C5orf24: variants seen among roughly 807,000 people sequenced by gnomAD.
The protein encoded by C5orf24 is chromosome 5 open reading frame 24.
In C5orf24, 4 loss-of-function variants were observed where a neutral mutation model predicts 9.8. The observed-to-expected ratio is 0.41, with a 90% CI of 0.20 to 0.93. The LOEUF (loss-of-function observed/expected upper bound fraction) is 0.93. Ranked by LOEUF, C5orf24 falls within the 40% of genes least tolerant of loss-of-function variation. The probability of loss-of-function intolerance (pLI) is 0.33; values close to 1 mark genes in which losing one functional copy is unlikely to be tolerated. For synonymous variants in C5orf24, 73 were observed against 81.3 expected (o/e 0.90, Z 0.55); for missense variants, 170 against 236.9 (o/e 0.72, Z 1.85).
upstream of C5orf24, among the ~76,000 whole-genome samples, chr5:134,843,244 T>C (rs1223181287): frequency 6.6e-6 from 1 of 152,184 alleles, no homozygotes; most frequent in Non-Finnish European, 1.5e-5. Flanking sequence ...CCCAAAGTCC[T>C]GGGATTGCAG....
chr5:134,849,767 G>A (rs1215344781), intron 1 of C5orf24, among the ~76,000 whole-genome samples: 3 of 143,104 alleles, frequency 2.1e-5, no homozygotes, highest in Non-Finnish European at 4.5e-5. Context: ...AAGCAATTCT[G>A]CTGCCTCAGC....
Position 134,855,669 on chromosome 5 carries a change from A to G in C5orf24, c.*202A>G, listed in dbSNP as rs982428493. On this transcript the variant is annotated 3_prime_UTR_variant, in exon 2 of 2. Coordinates refer to ENST00000394976, the MANE Select transcript of C5orf24 (RefSeq NM_001135586.1). ...GCATGAGCAGCGGCATTGTATTTGT[A>G]CATAGGTTCAAGTGTAACACCTAAC... 7 of 1,446,038 alleles carry G rather than the reference A, an allele frequency of 4.8e-6. No homozygotes were observed. The highest frequency in any genetic ancestry group is 3.0e-5 in the Admixed American group (1 of 33,600). 89.6% of individuals were successfully genotyped at this position (1,446,038 alleles called of 1,614,324 possible). A position where few individuals can be genotyped will look rare whatever the true frequency, so the allele number is the denominator to read the frequency against.
intron 1 of C5orf24, among the ~76,000 whole-genome samples, chr5:134,851,946 G>A (rs149749026): frequency 6.6e-6 from 1 of 152,110 alleles, no homozygotes; most frequent in Non-Finnish European, 1.5e-5. Context: ...TAATAATCTA[G>A]TCCTTTTTGT....
At position 134,856,173 on chromosome 5, in the gene C5orf24, C is replaced by G; in HGVS notation, c.*706C>G. On this transcript the variant is annotated 3_prime_UTR_variant, in exon 2 of 2. Coordinates refer to ENST00000394976, the MANE Select transcript of C5orf24 (RefSeq NM_001135586.1). ...TATATACCAAACACTACAAACAATT[C>G]ATATTTACAGAAAATTTAAACTATT... 2 of 996,588 alleles carry G rather than the reference C, an allele frequency of 2.0e-6. No homozygotes were observed. Among genetic ancestry groups the G allele is most frequent in the Non-Finnish European group, 2.4e-6 (2 of 826,738 alleles). The allele number at this position is 996,588 out of a possible 1,614,324, so 61.7% of individuals were successfully genotyped here. A position where few individuals can be genotyped will look rare whatever the true frequency, so the allele number is the denominator to read the frequency against.
intron 1 of C5orf24, among the ~76,000 whole-genome samples, chr5:134,852,761 G>A (rs1342554596): frequency 6.6e-6 from 1 of 152,164 alleles, no homozygotes; most frequent in East Asian, 1.9e-4. Context: ...TTCCAGCCAG[G>A]CACGGTGGCT....
chr5:134,848,482 C>G (rs927421229), intron 1 of C5orf24, among the ~76,000 whole-genome samples: 6 of 148,574 alleles, frequency 4.0e-5, no homozygotes, highest in Non-Finnish European at 8.9e-5. Context: ...CATGGTGAAA[C>G]CTCGTTTCTA....
chr5:134,849,338 A>T (rs1456052196), intron 1 of C5orf24, among the ~76,000 whole-genome samples: 1 of 152,226 alleles, frequency 6.6e-6, no homozygotes, highest in East Asian at 1.9e-4. Flanking sequence ...TTAAGCTCAC[A>T]TGCAAATACT....
chr5:134,854,693 T>A (rs1756261187), intron 1 of C5orf24, among the ~76,000 whole-genome samples: 1 of 152,206 alleles, frequency 6.6e-6, no homozygotes, highest in African/African-American at 2.4e-5. Context: ...TGTATGATGT[T>A]TGTCCCATGA....
chr5:134,853,790 T>G (rs1756233926), intron 1 of C5orf24, among the ~76,000 whole-genome samples: 2 of 152,024 alleles, frequency 1.3e-5, no homozygotes, highest in South Asian at 4.1e-4. Context: ...ACCTTACAAA[T>G]AGGAGGTATT....
At chr5:134,845,488 C>T (rs1183837650), upstream of C5orf24, among the ~76,000 whole-genome samples, 1 of 152,250 alleles carries the variant, frequency 6.6e-6, no homozygotes, top group East Asian at 1.9e-4. Context: ...AACATAATAG[C>T]GGTAGTTTGT....
chr5:134,855,678 C>G lies in C5orf24; in HGVS notation c.*211C>G, dbSNP rs1036393375. On this transcript the variant is annotated 3_prime_UTR_variant, in exon 2 of 2. Coordinates refer to ENST00000394976, the MANE Select transcript of C5orf24 (RefSeq NM_001135586.1). ...GCGGCATTGTATTTGTACATAGGTT[C>G]AAGTGTAACACCTAACTAAATCATT... 1.6e-5 allele frequency: 23 copies of G among 1,435,048 alleles called. No individual in the cohort carries two copies. Among genetic ancestry groups the G allele is most frequent in the Non-Finnish European group, 2.1e-5 (23 of 1,096,562 alleles). 88.9% of individuals were successfully genotyped at this position (1,435,048 alleles called of 1,614,324 possible). A position where few individuals can be genotyped will look rare whatever the true frequency, so the allele number is the denominator to read the frequency against.
upstream of C5orf24, among the ~76,000 whole-genome samples, chr5:134,845,418 T>C (rs1755964597): frequency 6.6e-6 from 1 of 152,196 alleles, no homozygotes; most frequent in Non-Finnish European, 1.5e-5. Flanking sequence ...AGTGAGGAAA[T>C]GAATCCCTTC....
At chr5:134,837,358 T>C in the C5orf24 span, among the ~76,000 whole-genome samples, 1 of 152,320 alleles carries the variant, frequency 6.6e-6, no homozygotes, top group East Asian at 1.9e-4. Flanking sequence ...ATAATACATT[T>C]AAAGCATAAA....
At chr5:134,834,081 A>G in the C5orf24 span, among the ~76,000 whole-genome samples, 6 of 152,230 alleles carry the variant, frequency 3.9e-5, no homozygotes, top group Non-Finnish European at 4.4e-5. Context: ...ACTTTAAAAG[A>G]CAGAATTTCA....
At position 134,857,435 on chromosome 5, in the gene C5orf24, A is replaced by G. The variant is rs1427526911; in HGVS notation, c.*1968A>G. ...GGACTTTATGCTGCTCTTTACAGTA[A>G]GAGGTGTTGCATTGTATGTGGGGAC... On this transcript the variant is annotated 3_prime_UTR_variant, in exon 2 of 2. Coordinates refer to ENST00000394976, the MANE Select transcript of C5orf24 (RefSeq NM_001135586.1). 2 of 1,542,000 alleles carry G rather than the reference A, an allele frequency of 1.3e-6. No homozygotes were observed. Among genetic ancestry groups the G allele is most frequent in the Non-Finnish European group, 1.8e-6 (2 of 1,141,656 alleles).
At chr5:134,841,702 A>G (rs1274497809), upstream of C5orf24, among the ~76,000 whole-genome samples, 1 of 152,198 alleles carries the variant, frequency 6.6e-6, no homozygotes, top group East Asian at 1.9e-4. Context: ...TGGCAACTCT[A>G]ACATCACAGT....
At chr5:134,852,678 C>T (rs931664264) in intron 1 of C5orf24, among the ~76,000 whole-genome samples, 1 of 152,146 alleles carries the variant, frequency 6.6e-6, no homozygotes, top group South Asian at 2.1e-4. Flanking sequence ...TTTATAAATC[C>T]GAATTGGAAC....
At position 134,846,085 on chromosome 5, in the gene C5orf24, C is replaced by G. The variant is rs184599692; in HGVS notation, c.-131C>G. 6.6e-6 allele frequency: 1 copy of G among 152,430 alleles called. No homozygotes were observed. Among genetic ancestry groups the G allele is most frequent in the Admixed American group, 6.5e-5 (1 of 15,306 alleles). The allele number at this position is 152,430 out of a possible 1,614,324, so 9.4% of individuals were successfully genotyped here. On this transcript the variant is annotated 5_prime_UTR_variant, in exon 1 of 2. Transcript: ENST00000394976. ...TCGCCGCCGCCCTCGCTGCCTGCCA[C>G]TCCGTCTTGGCCCGTTCTCCGCACC...
intron 1 of C5orf24, among the ~76,000 whole-genome samples, chr5:134,850,816 G>T (rs1172344900): frequency 6.6e-6 from 1 of 151,322 alleles, no homozygotes; most frequent in Non-Finnish European, 1.5e-5. Flanking sequence ...TTTCAGTGTG[G>T]ATTGATATCT....
Sources: allele counts gnomAD v4.1 joint callset (sites outside exome capture counted in the v4.1 genomes callset), GRCh38; gene constraint gnomAD v4.1.1; transcripts MANE v1.5; gene names NCBI Gene and HGNC (gene_info 2026-07-23, HGNC 2026-07-21).